The following UBA6 variants were observed in gnomAD, a reference collection of about 807,000 sequenced individuals.
UBA6 encodes ubiquitin-like modifier-activating enzyme 6.
UBA6 carries 87 observed loss-of-function variants against 148.3 expected under a neutral mutation model. The ratio of observed to expected loss-of-function variants is 0.59; its 90% CI spans 0.49 to 0.70. The LOEUF (loss-of-function observed/expected upper bound fraction) is 0.70, where lower values mean the gene tolerates loss of function less well. Among genes scored for constraint, UBA6 ranks in the 30% least tolerant of loss-of-function variants. The probability of loss-of-function intolerance (pLI) is 0.00; values close to 1 mark genes in which losing one functional copy is unlikely to be tolerated. For missense variants in UBA6, 1,186 were observed against 1,241.2 expected, an observed-to-expected ratio of 0.96 and a Z score of 0.67; for synonymous variants, 376 against 401.0, an observed-to-expected ratio of 0.94 and a Z score of 0.75.
intron 2 of UBA6, among the ~76,000 whole-genome samples, chr4:67,683,697 T>G (rs917764056): frequency 1.3e-5 from 2 of 152,128 alleles, no homozygotes; most frequent in African/African-American, 4.8e-5. Flanking sequence ...CCTGCTCTAA[T>G]GTATATCCCC....
At chr4:67,631,638 G>T in intron 25 of UBA6, 70 bp downstream of exon 25, 2 of 1,152,402 alleles carry the variant, frequency 1.7e-6, no homozygotes, top group Non-Finnish European at 2.5e-6. Context: ...ACTCTGCAAT[G>T]TACAGTTAAG....
chr4:67,663,846 T>C (rs1295763372), intron 11 of UBA6, 39 bp downstream of exon 11: 1 of 1,546,820 alleles, frequency 6.5e-7, no homozygotes, highest in Non-Finnish European at 8.9e-7. Flanking sequence ...TCATCTCTGA[T>C]TCTGCTGCCT....
At chr4:67,657,128 T>C (rs188920197) in intron 13 of UBA6, among the ~76,000 whole-genome samples, 39 of 152,288 alleles carry the variant, frequency 2.6e-4, no homozygotes, top group Admixed American at 2.5e-3. Flanking sequence ...ATAGACTCAA[T>C]GCCATCCCCA....
intron 2 of UBA6, among the ~76,000 whole-genome samples, chr4:67,689,769 CA>C (rs35645069): frequency 0.23 from 34,864 of 151,900 alleles, 4,151 homozygotes; most frequent in Middle Eastern, 0.3. Context: ...TGGTTCCTGC[CA>C]ACTACTTAGG....
chr4:67,677,698 A>C lies in UBA6; in HGVS notation c.378T>G (p.Ile126Met). Residue 126 changes from isoleucine (I) to methionine (M), a missense_variant, in exon 6 of 33, where the codon ATT becomes ATG. Transcript: ENST00000322244. ...RNRAEAVLKH[I>M]AELNPYVHVT... is the part of the protein sequence containing the mutation. ...CATGAACGTATGGATTTAGTTCTGC[A>C]ATATGTTTAAGTACAGCTTCAGCCC... is the stretch of plus-strand genomic sequence containing the variant. 1 of 1,599,264 alleles carries C rather than the reference A, an allele frequency of 6.3e-7. No homozygotes were observed. Among genetic ancestry groups the C allele is most frequent in the Non-Finnish European group, 8.6e-7 (1 of 1,169,232 alleles).
chr4:67,622,464 A>C (rs1431346916), intron 32 of UBA6, among the ~76,000 whole-genome samples: 1 of 152,244 alleles, frequency 6.6e-6, no homozygotes, highest in Non-Finnish European at 1.5e-5. Context: ...CCTAATGACT[A>C]GAATAGTACC....
chr4:67,678,291 A>C (rs1007280808), intron 5 of UBA6, 148 bp downstream of exon 5: 66 of 404,598 alleles, frequency 1.6e-4, no homozygotes, highest in African/African-American at 1.1e-3. Context: ...TTAAAAAAAA[A>C]CTCATAATAC....
In UBA6 at chr4:67,614,803, T is replaced by C. The variant is rs1728595901; in HGVS notation, c.*4194A>G. The C allele has an allele frequency of 6.6e-6, 1 of 152,152 alleles. No homozygotes were observed. Among genetic ancestry groups the C allele is most frequent in the Non-Finnish European group, 1.5e-5 (1 of 68,026 alleles). The allele number at this position is 152,152 out of a possible 1,614,324, so 9.4% of individuals were successfully genotyped here. A position where few individuals can be genotyped will look rare whatever the true frequency, so the allele number is the denominator to read the frequency against. ...CAAATTGGGAGAAGATATTGGCAAC[T>C]ATACAGCCAACAAAGAATAAGATTT... On this transcript the variant is annotated 3_prime_UTR_variant, in exon 33 of 33. Coordinates refer to ENST00000322244, the MANE Select transcript of UBA6 (RefSeq NM_018227.6).
intron 13 of UBA6, among the ~76,000 whole-genome samples, chr4:67,658,837 AG>A (rs1445883954): frequency 6.6e-6 from 1 of 152,204 alleles, no homozygotes; most frequent in African/African-American, 2.4e-5. Flanking sequence ...GTGGATGCTA[AG>A]GTTTGGTTAT....
chr4:67,616,812 T>C lies in UBA6; in HGVS notation c.*2185A>G, dbSNP rs1230467193. On this transcript the variant is annotated 3_prime_UTR_variant, in exon 33 of 33. Transcript: ENST00000322244. ...CATGATTTACAAAGATATTCTTACATTTCTTAATTTATTTTTAATAAGTAA... is the reference window on the plus strand; with the variant it reads ...CATGATTTACAAAGATATTCTTACACTTCTTAATTTATTTTTAATAAGTAA... 4 of 152,168 alleles carry C rather than the reference T, an allele frequency of 2.6e-5. No individual in the cohort carries two copies. The highest frequency in any genetic ancestry group is 4.1e-4 in the South Asian group (2 of 4,826). The allele number at this position is 152,168 out of a possible 1,614,324, so 9.4% of individuals were successfully genotyped here.
Position 67,613,496 on chromosome 4 carries a change from C to T in UBA6, c.*5501G>A, listed in dbSNP as rs374430375. On this transcript the variant is annotated 3_prime_UTR_variant, in exon 33 of 33. Coordinates refer to ENST00000322244, the MANE Select transcript of UBA6 (RefSeq NM_018227.6). ...AGAAACTGCAGGAGTGACAAATTTA[C>T]ATGCTTTCAATTAGAAATATGAGAA... is the stretch of plus-strand genomic sequence containing the variant. 6.6e-5 allele frequency: 10 copies of T among 152,120 alleles called. No homozygotes were observed. The highest frequency in any genetic ancestry group is 2.4e-4 in the African/African-American group (10 of 41,422). 9.4% of individuals were successfully genotyped at this position (152,120 alleles called of 1,614,324 possible).
intron 20 of UBA6, 128 bp downstream of exon 20, chr4:67,635,325 C>A: frequency 1.9e-6 from 1 of 532,360 alleles, no homozygotes. Context: ...AATGTACATG[C>A]ACATATGTAT....
chr4:67,667,090 C>T (rs768933433), intron 9 of UBA6, among the ~76,000 whole-genome samples: 3 of 152,070 alleles, frequency 2.0e-5, no homozygotes, highest in Admixed American at 6.6e-5. Context: ...TCTTTACATG[C>T]TGTGGCTCCT....
chr4:67,628,782 A>G (rs1336040965), intron 27 of UBA6, among the ~76,000 whole-genome samples: 1 of 151,926 alleles, frequency 6.6e-6, no homozygotes, highest in Admixed American at 6.6e-5. Context: ...CAGAACTCCA[A>G]TATATCTAAT....
intron 13 of UBA6, among the ~76,000 whole-genome samples, chr4:67,658,598 C>G (rs1255908411): frequency 6.6e-6 from 1 of 152,028 alleles, no homozygotes; most frequent in Admixed American, 6.6e-5. Context: ...AGGCTTAATA[C>G]CTGGGTGATG....
At chr4:67,694,632 C>T (rs370713391) in intron 2 of UBA6, among the ~76,000 whole-genome samples, 25 of 152,110 alleles carry the variant, frequency 1.6e-4, no homozygotes, top group Admixed American at 1.2e-3. Context: ...CTCCTGACCT[C>T]GTGATCCACC....
Position 67,618,024 on chromosome 4 carries a change from C to A in UBA6, c.*973G>T. Reference sequence around the variant, plus strand: ...CTGGGAATGGGAATGAAATAACATGCTTCTGTTTAAAAAAAAAAAACAAAA... The same window carrying A: ...CTGGGAATGGGAATGAAATAACATGATTCTGTTTAAAAAAAAAAAACAAAA... On this transcript the variant is annotated 3_prime_UTR_variant, in exon 33 of 33. Transcript: ENST00000322244. 1 of 128,940 alleles carries A rather than the reference C, an allele frequency of 7.8e-6. No individual in the cohort carries two copies. The highest frequency in any genetic ancestry group is 1.7e-5 in the Non-Finnish European group (1 of 60,318). 8.0% of individuals were successfully genotyped at this position (128,940 alleles called of 1,614,324 possible). A position where few individuals can be genotyped will look rare whatever the true frequency, so the allele number is the denominator to read the frequency against.
chr4:67,668,394 T>A (rs1165133077), intron 9 of UBA6, among the ~76,000 whole-genome samples, 157 bp downstream of exon 9: 1 of 152,226 alleles, frequency 6.6e-6, no homozygotes, highest in Admixed American at 6.5e-5. Flanking sequence ...CTTAATATCA[T>A]CAGTGTTTAA....
In UBA6 at chr4:67,646,664, A is replaced by G. The variant is rs1159726372; in HGVS notation, c.1316+60T>C. On this transcript the variant is annotated intron_variant, in intron 15 of 32. Transcript: ENST00000322244. ...AGACACATAAAACAAAGGTATGTTT[A>G]GACAAAACTTTTAAAATCTATTTGC... 10 of 1,291,544 alleles carry G rather than the reference A, an allele frequency of 7.7e-6. No homozygotes were observed. In the Middle Eastern group the frequency reaches 5.6e-4, roughly 72 times the overall value. 80.0% of individuals were successfully genotyped at this position (1,291,544 alleles called of 1,614,324 possible).
Sources: allele counts gnomAD v4.1 joint callset (sites outside exome capture counted in the v4.1 genomes callset), GRCh38; gene constraint gnomAD v4.1.1; transcripts MANE v1.5; gene names NCBI Gene and HGNC (gene_info 2026-07-23, HGNC 2026-07-21).